EXOC6B: variants seen among roughly 807,000 people sequenced by gnomAD.
The protein encoded by EXOC6B is exocyst complex component 6B, also known as SEC15 homolog B.
In EXOC6B, 54 loss-of-function variants were observed where a neutral mutation model predicts 113.5. That is an observed-to-expected ratio of 0.48 (90% CI 0.38 to 0.60). EXOC6B has a LOEUF of 0.60. Ranked by LOEUF, EXOC6B falls within the 20% of genes least tolerant of loss-of-function variation. The pLI, the probability that EXOC6B is intolerant of heterozygous loss-of-function variation, is 0.00. For synonymous variants in EXOC6B, 357 were observed against 339.0 expected (o/e 1.05, Z -0.58); for missense variants, 797 against 977.5 (o/e 0.82, Z 2.46).
chr2:72,614,725 T>A (rs887448863), intron 6 of EXOC6B, among the ~76,000 whole-genome samples: 12 of 152,190 alleles, frequency 7.9e-5, no homozygotes, highest in Admixed American at 6.5e-5. Context: ...ACTGAAATGC[T>A]AATAAACTAC....
At chr2:72,534,578 C>T (rs886977234) in intron 8 of EXOC6B, among the ~76,000 whole-genome samples, 6 of 152,080 alleles carry the variant, frequency 3.9e-5, no homozygotes, top group South Asian at 4.2e-4. Flanking sequence ...ACTTTACGTA[C>T]GCTTAAGAAG....
chr2:72,690,368 C>T (rs1317964257), intron 6 of EXOC6B, among the ~76,000 whole-genome samples: 1 of 152,178 alleles, frequency 6.6e-6, no homozygotes, highest in Non-Finnish European at 1.5e-5. Flanking sequence ...ATCTTACTTT[C>T]TAAGGTAAAC....
intron 17 of EXOC6B, among the ~76,000 whole-genome samples, chr2:72,473,869 TG>T (rs1392318942): frequency 6.6e-6 from 1 of 152,162 alleles, no homozygotes; most frequent in Admixed American, 6.5e-5. Context: ...TACTTTTGTG[TG>T]TTTTCATGAT....
chr2:72,483,758 C>T (rs911142300), intron 16 of EXOC6B, among the ~76,000 whole-genome samples: 1 of 152,182 alleles, frequency 6.6e-6, no homozygotes, highest in Non-Finnish European at 1.5e-5. Flanking sequence ...AAACCAGAGG[C>T]TTTGGGCATA....
At chr2:72,731,326 C>G in intron 3 of EXOC6B, 81 bp from the exon 4 acceptor site, 1 of 1,055,830 alleles carries the variant, frequency 9.5e-7, no homozygotes, top group Non-Finnish European at 1.4e-6. Context: ...ACACTGTGTT[C>G]AATTCATCAG....
chr2:72,332,377 A>G (rs1240022181), intron 20 of EXOC6B, among the ~76,000 whole-genome samples: 6 of 152,064 alleles, frequency 3.9e-5, no homozygotes, highest in African/African-American at 1.4e-4. Context: ...TTTGGTCCAT[A>G]AAATCAACCC....
At chr2:72,568,621 C>T in intron 7 of EXOC6B, among the ~76,000 whole-genome samples, 1 of 151,840 alleles carries the variant, frequency 6.6e-6, no homozygotes. Flanking sequence ...AATAAGTGGA[C>T]TATTTAAGTG....
At chr2:72,553,388 A>G (rs533013186) in intron 8 of EXOC6B, among the ~76,000 whole-genome samples, 272 of 152,224 alleles carry the variant, frequency 1.8e-3, no homozygotes, top group African/African-American at 6.3e-3. Context: ...ATGTAACTAC[A>G]AATTCAATCA....
At chr2:72,222,806 T>C (rs954160611) in intron 20 of EXOC6B, among the ~76,000 whole-genome samples, 3 of 152,186 alleles carry the variant, frequency 2.0e-5, no homozygotes, top group African/African-American at 4.8e-5. Flanking sequence ...ACAAGCTACT[T>C]TGAACCCTAA....
intron 18 of EXOC6B, among the ~76,000 whole-genome samples, chr2:72,384,477 T>A (rs1691877574): frequency 6.6e-6 from 1 of 151,840 alleles, no homozygotes; most frequent in African/African-American, 2.4e-5. Context: ...GTGTGTACTC[T>A]CATCATTTCT....
chr2:72,413,821 C>G (rs1694350432), intron 18 of EXOC6B, among the ~76,000 whole-genome samples: 1 of 152,186 alleles, frequency 6.6e-6, no homozygotes. Flanking sequence ...GTATGTATCA[C>G]CACACCTGGT....
At chr2:72,425,875 T>C (rs948095790) in intron 18 of EXOC6B, among the ~76,000 whole-genome samples, 4 of 152,178 alleles carry the variant, frequency 2.6e-5, no homozygotes, top group Admixed American at 6.5e-5. Context: ...TAGTGTCACT[T>C]GAAGTCAGAG....
At chr2:72,401,582 CATAT>C (rs1197072759) in intron 18 of EXOC6B, among the ~76,000 whole-genome samples, 1,207 of 18,374 alleles carry the variant, frequency 0.066, 113 homozygotes, top group East Asian at 0.11. Flanking sequence ...TATATATATA[CATAT>C]ATATATATAT....
chr2:72,482,039 C>A (rs1699128001), intron 16 of EXOC6B, among the ~76,000 whole-genome samples: 1 of 152,168 alleles, frequency 6.6e-6, no homozygotes, highest in Non-Finnish European at 1.5e-5. Flanking sequence ...TTAGATCACA[C>A]AGCCTAAATG....
At chr2:72,498,814 C>T (rs1471178048) in intron 12 of EXOC6B, among the ~76,000 whole-genome samples, 1 of 151,944 alleles carries the variant, frequency 6.6e-6, no homozygotes, top group Non-Finnish European at 1.5e-5. Flanking sequence ...AAAGGGTATA[C>T]TATGGGATAA....
chr2:72,575,989 T>C (rs1426498753), intron 6 of EXOC6B, among the ~76,000 whole-genome samples: 1 of 152,118 alleles, frequency 6.6e-6, no homozygotes, highest in African/African-American at 2.4e-5. Context: ...CATTAAATCA[T>C]CACAAAAAGA....
intron 19 of EXOC6B, among the ~76,000 whole-genome samples, chr2:72,349,925 G>A (rs981769443): frequency 6.6e-6 from 1 of 152,068 alleles, no homozygotes; most frequent in Admixed American, 6.6e-5. Context: ...CAATTTGTGG[G>A]GACTCTGCTG....
chr2:72,245,149 T>C (rs949127366), intron 20 of EXOC6B, among the ~76,000 whole-genome samples: 3 of 152,116 alleles, frequency 2.0e-5, no homozygotes, highest in Admixed American at 6.5e-5. Flanking sequence ...AAAGTTTATA[T>C]AGAAAGGCAA....
chr2:72,463,378 A>C (rs1697827588), intron 18 of EXOC6B: 1 of 152,154 alleles, frequency 6.6e-6, no homozygotes, highest in Non-Finnish European at 1.5e-5. Flanking sequence ...ATTAAAAGGC[A>C]TCAGGTGCTG....
Sources: allele counts gnomAD v4.1 joint callset (sites outside exome capture counted in the v4.1 genomes callset), GRCh38; gene constraint gnomAD v4.1.1; transcripts MANE v1.5; gene names NCBI Gene and HGNC (gene_info 2026-07-23, HGNC 2026-07-21).